Variants in KLRD1 observed in about 807,000 individuals in gnomAD.
KLRD1 encodes the protein killer cell lectin like receptor D1, also known as natural killer cells antigen CD94.
KLRD1 carries 21 observed loss-of-function variants against 22.6 expected under a neutral mutation model. The ratio of observed to expected loss-of-function variants is 0.93; its 90% CI spans 0.66 to 1.34. The LOEUF is 1.34. Among genes scored for constraint, KLRD1 ranks in the 40% most tolerant of loss-of-function variants. The pLI is 0.00. For missense variants in KLRD1, 183 were observed against 208.6 expected (o/e 0.88, Z 0.76); for synonymous variants, 59 against 71.1 (o/e 0.83, Z 0.85).
At chr12:10,310,871 T>C (rs898356875) in intron 3 of KLRD1, among the ~76,000 whole-genome samples, 15 of 152,256 alleles carry the variant, frequency 9.9e-5, no homozygotes, top group African/African-American at 3.4e-4. Flanking sequence ...TGACGTGTCA[T>C]GTTTTTATTA....
rs1271846712 is a variant in KLRD1, at chr12:10,239,567, CTTTCTTTCTTTCTTTCTT to C, written c.-101+13352_-101+13369del. Among the ~76,000 whole-genome samples the C allele has an allele frequency of 4.7e-3, 610 of 129,474 alleles. 9 individuals carry two copies. Among genetic ancestry groups the C allele is most frequent in the African/African-American group, 0.017 (536 of 32,468 alleles). The allele number at this position is 129,474 out of a possible 152,430, so 84.9% of individuals were successfully genotyped here. A position where few individuals can be genotyped will look rare whatever the true frequency, so the allele number is the denominator to read the frequency against. Reference sequence around the variant, plus strand: ...TCTTTCTTTCTTTCTTTCTTTCTTTCTTTCTTTCTTTCTTTCTTTTTCTTTCTTTCTTTCTCTCTCTTT... The same window carrying C: ...TCTTTCTTTCTTTCTTTCTTTCTTTCTTTCTTTCTTTCTTTCTCTCTCTTT... On this transcript the variant is annotated intron_variant, in intron 1 of 5. Coordinates refer to the KLRD1 transcript ENST00000544747.
intron 5 of KLRD1, among the ~76,000 whole-genome samples, chr12:10,314,336 A>C (rs1308697505): frequency 6.6e-6 from 1 of 152,168 alleles, no homozygotes; most frequent in African/African-American, 2.4e-5. Context: ...ACAGGGACAA[A>C]GTTTATGCTC....
Position 10,254,914 on chromosome 12 carries a change from A to G in KLRD1, c.-101+28681A>G, listed in dbSNP as rs892175567. 8.0e-5 allele frequency among the ~76,000 whole-genome samples: 12 copies of G among 149,602 alleles called. 1 individual carries two copies. Among genetic ancestry groups the G allele is most frequent in the African/African-American group, 3.0e-4 (12 of 40,464 alleles). ...CTCAAAAATAAATAAATTAAAAAAA[A>G]AAAAGAAAAGTAGGCAAAGGACATG... is the stretch of plus-strand genomic sequence containing the variant. On this transcript the variant is annotated intron_variant, in intron 1 of 5. Coordinates refer to the KLRD1 transcript ENST00000544747.
rs1347639487 is a variant in KLRD1 at position 10,325,806 on chromosome 12, T to C, written c.*11013T>C. On this transcript the variant is annotated 3_prime_UTR_variant, in exon 6 of 6. Coordinates refer to ENST00000336164, the MANE Select transcript of KLRD1 (RefSeq NM_002262.5). Reference sequence around the variant, plus strand: ...CTAATATTTCTTTGAGATTCTTATTTCAATTCTTTTGCATAATTACCCAGA... The same window carrying C: ...CTAATATTTCTTTGAGATTCTTATTCCAATTCTTTTGCATAATTACCCAGA... The C allele has an allele frequency of 1.3e-5, 2 of 152,240 alleles. No homozygotes were observed. Among genetic ancestry groups the C allele is most frequent in the East Asian group, 1.9e-4 (1 of 5,198 alleles). 9.4% of individuals were successfully genotyped at this position (152,240 alleles called of 1,614,324 possible).
upstream of KLRD1, among the ~76,000 whole-genome samples, chr12:10,307,318 A>C (rs1191088674): frequency 6.6e-6 from 1 of 152,214 alleles, no homozygotes; most frequent in Non-Finnish European, 1.5e-5. Context: ...GCTAACGTGA[A>C]TGAGGCGTCC....
chr12:10,300,945 T>A (rs564022428), upstream of KLRD1, among the ~76,000 whole-genome samples: 1 of 152,364 alleles, frequency 6.6e-6, no homozygotes, highest in South Asian at 2.1e-4. Context: ...TTCTGCAGCT[T>A]CCTCACCATT....
At chr12:10,312,524 G>A (rs899356642) in intron 4 of KLRD1, among the ~76,000 whole-genome samples, 2 of 151,488 alleles carry the variant, frequency 1.3e-5, no homozygotes, top group Non-Finnish European at 2.9e-5. Flanking sequence ...GACTACAGGC[G>A]CCCACAACCA....
chr12:10,314,616 G>A (rs1950179735), intron 5 of KLRD1, 57 bp from the exon 6 acceptor site: 2 of 1,442,424 alleles, frequency 1.4e-6, no homozygotes, highest in African/African-American at 1.5e-5. Flanking sequence ...ATTGAAAAAT[G>A]CCCTGAACAT....
At chr12:10,308,642 A>G (rs1402503275) in intron 1 of KLRD1, 1 of 155,470 alleles carries the variant, frequency 6.4e-6, no homozygotes, top group Non-Finnish European at 1.4e-5. Flanking sequence ...AGGATTGTTT[A>G]TGTATGTTCA....
At chr12:10,263,503 A>G (rs1416217874) in intron 1 of KLRD1, among the ~76,000 whole-genome samples, 4 of 152,086 alleles carry the variant, frequency 2.6e-5, no homozygotes, top group African/African-American at 9.7e-5. Context: ...CCTAATTTGA[A>G]TTAATTTTAG....
At chr12:10,297,775 C>T (rs1413373541) in intron 1 of KLRD1, among the ~76,000 whole-genome samples, 2 of 152,166 alleles carry the variant, frequency 1.3e-5, no homozygotes, top group African/African-American at 2.4e-5. Flanking sequence ...CTTAATGGTT[C>T]GGAGTTCTGC....
At chr12:10,283,470 T>C (rs571500043) in intron 1 of KLRD1, among the ~76,000 whole-genome samples, 1 of 152,314 alleles carries the variant, frequency 6.6e-6, no homozygotes, top group Non-Finnish European at 1.5e-5. Context: ...CTTAACAATA[T>C]TGTATTGTAC....
At chr12:10,307,163 G>A (rs1037884526), upstream of KLRD1, among the ~76,000 whole-genome samples, 2 of 151,916 alleles carry the variant, frequency 1.3e-5, no homozygotes, top group Non-Finnish European at 1.5e-5. Context: ...AGTGTATATC[G>A]AAGTATCAGT....
intron 1 of KLRD1, among the ~76,000 whole-genome samples, chr12:10,250,141 C>T (rs1483130300): frequency 6.6e-6 from 1 of 150,878 alleles, no homozygotes; most frequent in Non-Finnish European, 1.5e-5. Flanking sequence ...ACATTTACAT[C>T]CCCTCAACCA....
chr12:10,301,563 C>A (rs369234593), upstream of KLRD1, among the ~76,000 whole-genome samples: 1 of 152,252 alleles, frequency 6.6e-6, no homozygotes, highest in East Asian at 1.9e-4. Flanking sequence ...GTGTGCCTTG[C>A]GATTGTTAAA....
In KLRD1 at chr12:10,274,372, A is replaced by T. The variant is rs188101102; in HGVS notation, c.-100-33606A>T. Among the ~76,000 whole-genome samples, 562 of 152,302 alleles carry T rather than the reference A, an allele frequency of 3.7e-3. 5 individuals are homozygous for T. The highest frequency in any genetic ancestry group is 0.013 in the African/African-American group (537 of 41,570). On this transcript the variant is annotated intron_variant, in intron 1 of 5. Coordinates refer to the KLRD1 transcript ENST00000544747. ...AAATGGTTGAAAATAGAAGATCAACATTTATGTAGTGCAAACATTAATCAA... is the reference window on the plus strand; with the variant it reads ...AAATGGTTGAAAATAGAAGATCAACTTTTATGTAGTGCAAACATTAATCAA...
At chr12:10,261,689 G>T (rs1949455559) in intron 1 of KLRD1, among the ~76,000 whole-genome samples, 1 of 152,076 alleles carries the variant, frequency 6.6e-6, no homozygotes, top group Admixed American at 6.6e-5. Context: ...GATCTTTAGA[G>T]TTAGACTCTT....
chr12:10,317,207 A>G lies in KLRD1; in HGVS notation c.*2414A>G, dbSNP rs1950252165. ...CTGATGGGCATTTGGGTTGGTTCCA[A>G]GTCTTTGCTATGGTAAATAGTGCTG... On this transcript the variant is annotated 3_prime_UTR_variant, in exon 6 of 6. Coordinates refer to ENST00000336164, the MANE Select transcript of KLRD1 (RefSeq NM_002262.5). 1 of 152,166 alleles carries G rather than the reference A, an allele frequency of 6.6e-6. No homozygotes were observed. The highest frequency in any genetic ancestry group is 1.9e-4 in the East Asian group (1 of 5,198). The allele number at this position is 152,166 out of a possible 1,614,324, so 9.4% of individuals were successfully genotyped here.
chr12:10,268,180 A>G (rs1249493796), intron 1 of KLRD1, among the ~76,000 whole-genome samples: 1 of 152,186 alleles, frequency 6.6e-6, no homozygotes, highest in Non-Finnish European at 1.5e-5. Context: ...CTCAGATTAG[A>G]TGGGTAGGAG....
Sources: allele counts gnomAD v4.1 joint callset (sites outside exome capture counted in the v4.1 genomes callset), GRCh38; gene constraint gnomAD v4.1.1; transcripts MANE v1.5; gene names NCBI Gene and HGNC (gene_info 2026-07-23, HGNC 2026-07-21).